The following BLTP2 variants were observed in gnomAD, a reference collection of about 807,000 sequenced individuals.
BLTP2 encodes the protein U937-associated antigen.
At chr17:28,618,062 A>G in the BLTP2 span, among the ~76,000 whole-genome samples, 1 of 150,998 alleles carries the variant, frequency 6.6e-6, no homozygotes, top group Non-Finnish European at 1.5e-5. Context: ...CCTCTCAAGC[A>G]ACTGGGACCA....
At chr17:28,624,200 C>T in the BLTP2 span, 1 of 1,604,528 alleles carries the variant, frequency 6.2e-7, no homozygotes, top group Non-Finnish European at 8.5e-7. Flanking sequence ...ATGATCTAGC[C>T]TGATGTTGAG....
the BLTP2 span, chr17:28,617,226 A>C: frequency 6.2e-7 from 1 of 1,610,844 alleles, no homozygotes; most frequent in African/African-American, 1.3e-5. Context: ...GGGAAAAAAG[A>C]CTTGCCTTAT....
At chr17:28,636,424 A>G in the BLTP2 span, among the ~76,000 whole-genome samples, 1 of 152,236 alleles carries the variant, frequency 6.6e-6, no homozygotes, top group Non-Finnish European at 1.5e-5. Context: ...GCAAAATAAC[A>G]CCAGATCATT....
chr17:28,638,933 C>G, the BLTP2 span: 1 of 425,814 alleles, frequency 2.3e-6, no homozygotes, highest in Non-Finnish European at 4.2e-6. Context: ...CTAAAATAAC[C>G]AAGAAGCATC....
At chr17:28,639,198 T>G in the BLTP2 span, 1 of 984,874 alleles carries the variant, frequency 1.0e-6, no homozygotes, top group Non-Finnish European at 1.6e-6. Context: ...CTGTTGAGAC[T>G]CGGATTTGAG....
chr17:28,635,808 T>C, the BLTP2 span: 1 of 550,074 alleles, frequency 1.8e-6, no homozygotes, highest in Admixed American at 3.4e-5. Context: ...GTGTCTGACA[T>C]TTAAGAGCAC....
the BLTP2 span, chr17:28,639,163 G>A: frequency 9.7e-5 from 74 of 763,026 alleles, no homozygotes; most frequent in South Asian, 5.0e-4. Flanking sequence ...CTAGTCTAAT[G>A]GGAAAGATAT....
the BLTP2 span, among the ~76,000 whole-genome samples, chr17:28,618,452 G>C: frequency 6.6e-6 from 1 of 152,074 alleles, no homozygotes; most frequent in Non-Finnish European, 1.5e-5. Context: ...TTGACTTTAA[G>C]CAATCCTCCC....
At chr17:28,637,070 G>A in the BLTP2 span, 1 of 1,614,012 alleles carries the variant, frequency 6.2e-7, no homozygotes, top group Non-Finnish European at 8.5e-7. Flanking sequence ...TCTTCTCCGT[G>A]ACTGATTTCA....
the BLTP2 span, chr17:28,639,504 C>T: frequency 6.2e-7 from 1 of 1,613,382 alleles, no homozygotes; most frequent in Non-Finnish European, 8.5e-7. Flanking sequence ...TTTTATTTCA[C>T]AAACTCAAAA....
chr17:28,624,016 G>C, the BLTP2 span: 4 of 1,553,710 alleles, frequency 2.6e-6, no homozygotes, highest in Admixed American at 6.7e-5. Flanking sequence ...GATGAGGTTA[G>C]TGAGCACATT....
the BLTP2 span, chr17:28,633,879 C>A: frequency 6.2e-7 from 1 of 1,612,800 alleles, no homozygotes; most frequent in East Asian, 2.2e-5. Flanking sequence ...AAACCAACTG[C>A]CTCATCTCTA....
At chr17:28,628,389 C>T in the BLTP2 span, 3 of 1,614,056 alleles carry the variant, frequency 1.9e-6, no homozygotes, top group African/African-American at 4.0e-5. Flanking sequence ...CAATCTTTAA[C>T]CCCTTCAGGG....
the BLTP2 span, chr17:28,616,956 A>T: frequency 6.2e-7 from 1 of 1,614,106 alleles, no homozygotes; most frequent in East Asian, 2.2e-5. The surrounding 1 kb of genome is among the most constrained non-coding windows in gnomAD (Gnocchi z 4.8). Flanking sequence ...GCGGAGAGCT[A>T]GCTGTCGCCC....
At chr17:28,644,162 T>C in the BLTP2 span, 1 of 1,613,948 alleles carries the variant, frequency 6.2e-7, no homozygotes, top group South Asian at 1.1e-5. Flanking sequence ...TGACACCACT[T>C]GGTGGCCAAC....
At chr17:28,639,851 G>A in the BLTP2 span, 11 of 1,608,168 alleles carry the variant, frequency 6.8e-6, no homozygotes, top group Admixed American at 1.8e-4. Flanking sequence ...AGCAAAGAGA[G>A]TATCTAGTCC....
At chr17:28,634,150 C>G in the BLTP2 span, 1 of 1,395,702 alleles carries the variant, frequency 7.2e-7, no homozygotes, top group East Asian at 2.3e-5. Context: ...TCGGGCCTAT[C>G]TTTTTCCTCA....
At chr17:28,638,700 G>T in the BLTP2 span, 1 of 1,008,308 alleles carries the variant, frequency 9.9e-7, no homozygotes, top group Non-Finnish European at 1.5e-6. Flanking sequence ...TTCCTATCAT[G>T]GAACAGTTTC....
At chr17:28,625,094 T>C in the BLTP2 span, among the ~76,000 whole-genome samples, 2 of 151,664 alleles carry the variant, frequency 1.3e-5, no homozygotes, top group Admixed American at 6.6e-5. Flanking sequence ...TCCCAGCACT[T>C]TGGGAGGCTG....
Sources: allele counts gnomAD v4.1 joint callset (sites outside exome capture counted in the v4.1 genomes callset), GRCh38; gene constraint gnomAD v4.1.1; non-coding constraint Gnocchi (gnomAD v3.1); transcripts MANE v1.5; gene names NCBI Gene and HGNC (gene_info 2026-07-23, HGNC 2026-07-21).